The following RUBCN variants were observed in gnomAD, a reference collection of about 807,000 sequenced individuals.
RUBCN encodes the protein run domain Beclin-1-interacting and cysteine-rich domain-containing protein.
Under a neutral mutation model 113.2 loss-of-function variants are expected in RUBCN, and 74 were observed. The observed-to-expected ratio is 0.65, with a 90% CI of 0.54 to 0.79. The LOEUF (loss-of-function observed/expected upper bound fraction) is 0.79, where lower values mean the gene tolerates loss of function less well. Among genes scored for constraint, RUBCN ranks in the 30% least tolerant of loss-of-function variants. The pLI, the probability that RUBCN is intolerant of heterozygous loss-of-function variation, is 0.00. For missense variants in RUBCN, 1,109 were observed against 1,251.7 expected (o/e 0.89, Z 1.72); for synonymous variants, 480 against 490.0 (o/e 0.98, Z 0.27).
upstream of RUBCN, chr3:197,737,009 C>T (rs1387243787): frequency 4.5e-6 from 5 of 1,103,820 alleles, no homozygotes; most frequent in Non-Finnish European, 5.7e-6. Flanking sequence ...GCAGACCGCG[C>T]CCCTCCAACG....
chr3:197,736,920 C>G (rs1420435433), upstream of RUBCN: 6 of 1,355,198 alleles, frequency 4.4e-6, no homozygotes, highest in African/African-American at 9.3e-5. Flanking sequence ...CTTCCGGCTC[C>G]GGGGACTACA....
intron 2 of RUBCN, among the ~76,000 whole-genome samples, chr3:197,705,900 G>T (rs1724248620): frequency 1.3e-5 from 2 of 151,890 alleles, no homozygotes; most frequent in South Asian, 4.2e-4. Context: ...GCTAATTTTT[G>T]TATTTTTAGT....
At chr3:197,693,262 C>T (rs916405527) in intron 11 of RUBCN, among the ~76,000 whole-genome samples, 1 of 152,248 alleles carries the variant, frequency 6.6e-6, no homozygotes, top group Admixed American at 6.5e-5. Context: ...GGCAGAAATT[C>T]AAGCTCTACT....
chr3:197,682,332 G>GC (rs368401919), intron 14 of RUBCN, 138 bp downstream of exon 14: 87 of 1,005,988 alleles, frequency 8.6e-5, no homozygotes, highest in Admixed American at 3.0e-4. Context: ...AATGGACGAC[G>GC]CCCCCCCTCT....
In RUBCN at chr3:197,736,766, G is replaced by A. The variant is rs1040882700; in HGVS notation, c.-47C>T. ...TTCGCCCAAGAGAGGCGTCCCTGCC[G>A]CTTCGCCCTTCAGGGCTCCCGGGGC... On this transcript the variant is annotated 5_prime_UTR_variant, in exon 1 of 20. Coordinates refer to ENST00000296343, the MANE Select transcript of RUBCN (RefSeq NM_014687.4). 29 of 1,522,890 alleles carry A rather than the reference G, an allele frequency of 1.9e-5. No homozygotes were observed. Among genetic ancestry groups the A allele is most frequent in the Admixed American group, 6.0e-5 (3 of 50,292 alleles). 94.3% of individuals were successfully genotyped at this position (1,522,890 alleles called of 1,614,324 possible).
In RUBCN at chr3:197,674,926, AAG is replaced by A. The variant is rs375314095; in HGVS notation, c.*90_*91del. 1.6e-4 allele frequency: 168 copies of A among 1,083,110 alleles called. No homozygotes were observed. Among genetic ancestry groups the A allele is most frequent in the South Asian group, 5.4e-4 (31 of 57,104 alleles). The allele number at this position is 1,083,110 out of a possible 1,614,324, so 67.1% of individuals were successfully genotyped here. A position where few individuals can be genotyped will look rare whatever the true frequency, so the allele number is the denominator to read the frequency against. ...TGATAATTAAAAAAAAAAAAAAAAAAAGAAGCCCCAGGTGGGGCGAGTCCTTC... is the reference window on the plus strand; with the variant it reads ...TGATAATTAAAAAAAAAAAAAAAAAAAAGCCCCAGGTGGGGCGAGTCCTTC... On this transcript the variant is annotated 3_prime_UTR_variant, in exon 20 of 20. Coordinates refer to ENST00000296343, the MANE Select transcript of RUBCN (RefSeq NM_014687.4).
At chr3:197,697,086 C>A in intron 7 of RUBCN, 37 bp from the exon 8 acceptor site, 1 of 1,024,486 alleles carries the variant, frequency 9.8e-7, no homozygotes, top group South Asian at 1.3e-5. Flanking sequence ...AAAACACATA[C>A]GAAATGAGCA....
Position 197,731,409 on chromosome 3 carries a change from C to T in RUBCN, c.65+5246G>A, listed in dbSNP as rs190323669. Among the ~76,000 whole-genome samples, 1,501 of 152,334 alleles carry T rather than the reference C, an allele frequency of 9.9e-3. 15 individuals carry two copies. The highest frequency in any genetic ancestry group is 0.026 in the African/African-American group (1,093 of 41,582). ...ATGTCTACCTCTTTCCACACAGACACGGCAACCATCCGATTTCTCAATCTT... is the reference window on the plus strand; with the variant it reads ...ATGTCTACCTCTTTCCACACAGACATGGCAACCATCCGATTTCTCAATCTT... On this transcript the variant is annotated intron_variant, in intron 1 of 19. Coordinates refer to ENST00000296343, the MANE Select transcript of RUBCN (RefSeq NM_014687.4).
intron 2 of RUBCN, among the ~76,000 whole-genome samples, chr3:197,708,704 G>A (rs775733229): frequency 6.6e-6 from 1 of 152,068 alleles, no homozygotes; most frequent in Non-Finnish European, 1.5e-5. Flanking sequence ...CAATTGAGTT[G>A]TGGCTTACCA....
At position 197,675,078 on chromosome 3, in the gene RUBCN, G is replaced by A. The variant is rs1407325099; in HGVS notation, c.2859C>T (p.Asp953=). The A allele has an allele frequency of 6.2e-7, 1 of 1,613,464 alleles. No homozygotes were observed. Among genetic ancestry groups the A allele is most frequent in the Non-Finnish European group, 8.5e-7 (1 of 1,179,948 alleles). Residue 953 remains aspartate, a synonymous_variant, in exon 20 of 20, where the codon GAC becomes GAT. Transcript: ENST00000296343. This position sits in a 1 kb window ranked among gnomAD's most constrained non-coding sequence, Gnocchi z 4.4. The part of the protein sequence containing the change: ...ARQSLESYLS[D]YEEEPAEALA... ...GCGCTTCCGCGGGCTCCTCCTCGTA[G>A]TCTGACAGGTAAGACTCCAGGCTCT...
chr3:197,683,524 C>T lies in RUBCN; in HGVS notation c.1848-85G>A. ...TCCCTTCATGATCTCATCCCCCACG[C>T]AGCAACTTCTGGGCTGGAAGAACAC... On this transcript the variant is annotated intron_variant, in intron 12 of 19. Coordinates refer to ENST00000296343, the MANE Select transcript of RUBCN (RefSeq NM_014687.4). The surrounding 1 kb of genome is among the most constrained non-coding windows in gnomAD (Gnocchi z 4.6). 6.6e-7 allele frequency: 1 copy of T among 1,518,532 alleles called. No homozygotes were observed. Among genetic ancestry groups the T allele is most frequent in the Non-Finnish European group, 9.1e-7 (1 of 1,104,546 alleles). 94.1% of individuals were successfully genotyped at this position (1,518,532 alleles called of 1,614,324 possible). A position where few individuals can be genotyped will look rare whatever the true frequency, so the allele number is the denominator to read the frequency against.
At chr3:197,727,936 CTT>C (rs1726941272) in intron 1 of RUBCN, among the ~76,000 whole-genome samples, 2 of 152,278 alleles carry the variant, frequency 1.3e-5, no homozygotes, top group Non-Finnish European at 2.9e-5. Context: ...GTGTTTCAGT[CTT>C]TTCAGTTTCA....
At chr3:197,735,644 T>A (rs1728037166) in intron 1 of RUBCN, among the ~76,000 whole-genome samples, 1 of 152,154 alleles carries the variant, frequency 6.6e-6, no homozygotes, top group African/African-American at 2.4e-5. Flanking sequence ...CAGGCTGGAG[T>A]GTAGTGGTGC....
chr3:197,693,493 C>T (rs1337411850), intron 11 of RUBCN, among the ~76,000 whole-genome samples: 1 of 152,216 alleles, frequency 6.6e-6, no homozygotes, highest in East Asian at 1.9e-4. Context: ...GTCAGGGTGA[C>T]ATCAACGAGC....
intron 1 of RUBCN, among the ~76,000 whole-genome samples, chr3:197,729,122 G>T (rs181400415): frequency 7.4e-4 from 109 of 148,274 alleles, no homozygotes; most frequent in African/African-American, 2.5e-3. Context: ...TTCTGGCCTG[G>T]GCAACAGAGC....
At position 197,683,518 on chromosome 3, in the gene RUBCN, C is replaced by G; in HGVS notation, c.1848-79G>C. 3 of 1,540,182 alleles carry G rather than the reference C, an allele frequency of 1.9e-6. No homozygotes were observed. The highest frequency in any genetic ancestry group is 2.7e-6 in the Non-Finnish European group (3 of 1,122,106). On this transcript the variant is annotated intron_variant, in intron 12 of 19. Coordinates refer to ENST00000296343, the MANE Select transcript of RUBCN (RefSeq NM_014687.4). This position sits in a 1 kb window ranked among gnomAD's most constrained non-coding sequence, Gnocchi z 4.6. ...GAGGCTTCCCTTCATGATCTCATCC[C>G]CCACGCAGCAACTTCTGGGCTGGAA...
Position 197,681,967 on chromosome 3 carries a change from T to C in RUBCN, c.2127-68A>G. Reference sequence around the variant, plus strand: ...GTGAGACCTTGGAGGTGTGAAGGAGTGAGCACACATACATACAGCTCCAGT... The same window carrying C: ...GTGAGACCTTGGAGGTGTGAAGGAGCGAGCACACATACATACAGCTCCAGT... On this transcript the variant is annotated intron_variant, in intron 14 of 19. Coordinates refer to ENST00000296343, the MANE Select transcript of RUBCN (RefSeq NM_014687.4). The surrounding 1 kb of genome is among the most constrained non-coding windows in gnomAD (Gnocchi z 5.5). The C allele has an allele frequency of 8.6e-7, 1 of 1,161,402 alleles. No individual in the cohort carries two copies. The allele number at this position is 1,161,402 out of a possible 1,614,324, so 71.9% of individuals were successfully genotyped here. A position where few individuals can be genotyped will look rare whatever the true frequency, so the allele number is the denominator to read the frequency against.
At chr3:197,708,151 T>C (rs534812877) in intron 2 of RUBCN, among the ~76,000 whole-genome samples, 25 of 152,122 alleles carry the variant, frequency 1.6e-4, no homozygotes, top group Non-Finnish European at 2.4e-4. Flanking sequence ...TTTTTTTTTT[T>C]CCAAGACGGA....
At chr3:197,702,181 C>G (rs1227360394) in intron 5 of RUBCN, among the ~76,000 whole-genome samples, 9 of 152,236 alleles carry the variant, frequency 5.9e-5, no homozygotes. Flanking sequence ...GGCCCTGACA[C>G]TTATCAGCTA....
Sources: gnomAD v4.1 joint callset for allele counts (sites outside exome capture counted in the v4.1 genomes callset) on GRCh38, gnomAD v4.1.1 for gene constraint, Gnocchi (gnomAD v3.1) non-coding constraint, MANE v1.5 for transcripts, NCBI Gene and HGNC (gene_info 2026-07-23, HGNC 2026-07-21) for gene names.